Variants in TCF7L1 observed in about 807,000 individuals in gnomAD.
TCF7L1 encodes transcription factor 7 like 1.
A neutral mutation model predicts 63.7 loss-of-function variants in TCF7L1; 18 were observed. The observed-to-expected ratio is 0.28, with a 90% CI of 0.20 to 0.42. The LOEUF is 0.42. TCF7L1 is among the 10% of genes least tolerant of loss of function. The probability of loss-of-function intolerance (pLI) is 1.00; values close to 1 mark genes in which losing one functional copy is unlikely to be tolerated. For missense variants in TCF7L1, 654 were observed against 779.3 expected (o/e 0.84, Z 1.91); for synonymous variants, 355 against 340.9 (o/e 1.04, Z -0.46).
At chr2:85,268,321 TGCCTGG>T (rs1681057867) in intron 3 of TCF7L1, among the ~76,000 whole-genome samples, 1 of 152,186 alleles carries the variant, frequency 6.6e-6, no homozygotes, top group Admixed American at 6.5e-5. Flanking sequence ...CCACTAGAGC[TGCCTGG>T]GAGGCAGCAC....
intron 3 of TCF7L1, among the ~76,000 whole-genome samples, chr2:85,179,573 AAG>A (rs1451638288): frequency 5.9e-5 from 9 of 152,184 alleles, no homozygotes; most frequent in Admixed American, 3.3e-4. Flanking sequence ...AGCCATCAAA[AAG>A]AGAGTTTCAG....
Position 85,160,397 on chromosome 2 carries a change from G to A in TCF7L1, c.441+25947G>A, listed in dbSNP as rs376334399. On this transcript the variant is annotated intron_variant, in intron 3 of 11. Transcript: ENST00000282111. ...GTGTCACCACGCCCAGCAAATTTTC[G>A]TATTTTTAGTAGAGATGGGGTTTCA... Among the ~76,000 whole-genome samples, 67 of 152,218 alleles carry A rather than the reference G, an allele frequency of 4.4e-4. 1 individual carries two copies. Among genetic ancestry groups the A allele is most frequent in the African/African-American group, 1.3e-3 (55 of 41,544 alleles).
In TCF7L1 at chr2:85,134,545, T is replaced by C. The variant is rs1677544521; in HGVS notation, c.441+95T>C. Reference sequence around the variant, plus strand: ...CCATGGAGTGGGGGATGGGGCCTTCTGCGCCGATCCCAAGCAGAACTTGTT... The same window carrying C: ...CCATGGAGTGGGGGATGGGGCCTTCCGCGCCGATCCCAAGCAGAACTTGTT... On this transcript the variant is annotated intron_variant, in intron 3 of 11. Coordinates refer to ENST00000282111, the MANE Select transcript of TCF7L1 (RefSeq NM_031283.3). The surrounding 1 kb of genome is among the most constrained non-coding windows in gnomAD (Gnocchi z 5.0). 6.9e-7 allele frequency: 1 copy of C among 1,458,396 alleles called. No homozygotes were observed. Among genetic ancestry groups the C allele is most frequent in the East Asian group, 2.5e-5 (1 of 39,422 alleles). 90.3% of individuals were successfully genotyped at this position (1,458,396 alleles called of 1,614,324 possible).
In TCF7L1 at chr2:85,294,766, C is replaced by T. The variant is rs569296797; in HGVS notation, c.526-7718C>T. 3.3e-5 allele frequency among the ~76,000 whole-genome samples: 5 copies of T among 152,282 alleles called. No homozygotes were observed. The South Asian group carries it at 8.3e-4, about 25-fold the overall frequency. ...CTGTACATACAGCCAGGCACGGTGACTCACACCTGTAATCCCAGCACTTTG... is the reference window on the plus strand; with the variant it reads ...CTGTACATACAGCCAGGCACGGTGATTCACACCTGTAATCCCAGCACTTTG... On this transcript the variant is annotated intron_variant, in intron 4 of 11. Coordinates refer to ENST00000282111, the MANE Select transcript of TCF7L1 (RefSeq NM_031283.3).
chr2:85,268,357 C>CA (rs1444499207), intron 3 of TCF7L1, among the ~76,000 whole-genome samples: 1 of 152,314 alleles, frequency 6.6e-6, no homozygotes, highest in East Asian at 1.9e-4. Flanking sequence ...GAAGGACTTG[C>CA]ACCTCTAATT....
chr2:85,174,024 C>T (rs1216332381), intron 3 of TCF7L1, among the ~76,000 whole-genome samples: 1 of 152,132 alleles, frequency 6.6e-6, no homozygotes, highest in Admixed American at 6.5e-5. Flanking sequence ...CGTGAGCCAC[C>T]GCGCCCGGCC....
intron 3 of TCF7L1, chr2:85,262,064 G>A (rs1282048619): frequency 1.9e-6 from 1 of 535,346 alleles, no homozygotes; most frequent in African/African-American, 1.9e-5. Flanking sequence ...TTGTAGCAGA[G>A]GAATACCTCC....
intron 4 of TCF7L1, among the ~76,000 whole-genome samples, chr2:85,285,401 A>G (rs895156240): frequency 3.3e-5 from 5 of 152,184 alleles, no homozygotes; most frequent in Admixed American, 2.6e-4. Flanking sequence ...AGTGGGATCT[A>G]CAGTGGGATG....
chr2:85,133,515 C>G lies in TCF7L1; in HGVS notation c.-170C>G, dbSNP rs1333441354. 3 of 155,996 alleles carry G rather than the reference C, an allele frequency of 1.9e-5. No individual in the cohort carries two copies. Among genetic ancestry groups the G allele is most frequent in the Non-Finnish European group, 2.7e-5 (2 of 73,244 alleles). 9.7% of individuals were successfully genotyped at this position (155,996 alleles called of 1,614,324 possible). ...GGCCCGAGCCGAGCCGCCTGCGCCC[C>G]GGCCGGGCAGCGCCGGGCCCGCTTC... is the stretch of plus-strand genomic sequence containing the variant. On this transcript the variant is annotated 5_prime_UTR_variant, in exon 1 of 12. Coordinates refer to ENST00000282111, the MANE Select transcript of TCF7L1 (RefSeq NM_031283.3). The surrounding 1 kb of genome is among the most constrained non-coding windows in gnomAD (Gnocchi z 4.4).
intron 3 of TCF7L1, among the ~76,000 whole-genome samples, chr2:85,145,532 C>T (rs113352882): frequency 1.2e-4 from 18 of 152,338 alleles, no homozygotes; most frequent in African/African-American, 4.1e-4. Context: ...ATGTCAGGGT[C>T]ATTAAACTCA....
intron 3 of TCF7L1, among the ~76,000 whole-genome samples, chr2:85,215,587 C>A (rs1242711645): frequency 6.6e-6 from 1 of 152,214 alleles, no homozygotes; most frequent in African/African-American, 2.4e-5. Context: ...TGCCGAACAT[C>A]TGGCTCTGAT....
At chr2:85,155,085 G>T (rs1274821495) in intron 3 of TCF7L1, among the ~76,000 whole-genome samples, 1 of 152,158 alleles carries the variant, frequency 6.6e-6, no homozygotes, top group Admixed American at 6.5e-5. Flanking sequence ...AAAGTACTGG[G>T]ATTACAGGTC....
intron 3 of TCF7L1, among the ~76,000 whole-genome samples, chr2:85,229,150 TC>T (rs1680019949): frequency 6.6e-6 from 1 of 151,638 alleles, no homozygotes; most frequent in Admixed American, 6.6e-5. Flanking sequence ...ATTGAGACCA[TC>T]CTGGCCAACA....
At chr2:85,205,818 G>C (rs72840138) in intron 3 of TCF7L1, among the ~76,000 whole-genome samples, 7,012 of 152,284 alleles carry the variant, frequency 0.046, 181 homozygotes, top group Middle Eastern at 0.054. Context: ...GCTGCACCCA[G>C]CCTCCATATT....
At chr2:85,290,713 G>A (rs1573028546) in intron 4 of TCF7L1, among the ~76,000 whole-genome samples, 1 of 152,250 alleles carries the variant, frequency 6.6e-6, no homozygotes, top group African/African-American at 2.4e-5. Flanking sequence ...TAGCGAGTGA[G>A]TGAGTGAGTG....
intron 3 of TCF7L1, among the ~76,000 whole-genome samples, chr2:85,279,437 A>C (rs1358852670): frequency 6.6e-6 from 1 of 152,200 alleles, no homozygotes; most frequent in African/African-American, 2.4e-5. Context: ...GAAGCACTTT[A>C]TTTCCACTCT....
At chr2:85,216,464 C>A (rs953787082) in intron 3 of TCF7L1, among the ~76,000 whole-genome samples, 1 of 152,138 alleles carries the variant, frequency 6.6e-6, no homozygotes, top group Non-Finnish European at 1.5e-5. Context: ...AAACAACTTC[C>A]AGTGAGCAAT....
At chr2:85,257,826 C>A (rs899965675) in intron 3 of TCF7L1, among the ~76,000 whole-genome samples, 1 of 152,206 alleles carries the variant, frequency 6.6e-6, no homozygotes, top group African/African-American at 2.4e-5. Flanking sequence ...CTACCTGCCC[C>A]CTCCCGCCAC....
chr2:85,198,346 A>G (rs1282511820), intron 3 of TCF7L1, among the ~76,000 whole-genome samples: 1 of 152,168 alleles, frequency 6.6e-6, no homozygotes, highest in African/African-American at 2.4e-5. Flanking sequence ...CCCAAACACC[A>G]CCATCTCATG....
Sources: gnomAD v4.1 joint callset for allele counts (sites outside exome capture counted in the v4.1 genomes callset) on GRCh38, gnomAD v4.1.1 for gene constraint, Gnocchi (gnomAD v3.1) non-coding constraint, MANE v1.5 for transcripts, NCBI Gene and HGNC (gene_info 2026-07-23, HGNC 2026-07-21) for gene names.